Variants in SULF1 observed in about 807,000 individuals in gnomAD.
The protein encoded by SULF1 is sulfatase 1, also known as extracellular sulfatase Sulf-1.
A neutral mutation model predicts 110.5 loss-of-function variants in SULF1; 46 were observed. That is an observed-to-expected ratio of 0.42 (90% CI 0.33 to 0.53). The LOEUF (loss-of-function observed/expected upper bound fraction) is 0.53. Ranked by LOEUF, SULF1 falls within the 20% of genes least tolerant of loss-of-function variation. SULF1 has a pLI of 0.12. For synonymous variants in SULF1, 371 were observed against 387.1 expected, an observed-to-expected ratio of 0.96 and a Z score of 0.49; for missense variants, 941 against 1,094.2, an observed-to-expected ratio of 0.86 and a Z score of 1.98.
intron 22 of SULF1, among the ~76,000 whole-genome samples, chr8:69,649,972 CTTTTTTTTTTTTTTTTTTTTT>C (rs536073966): frequency 2.0e-4 from 6 of 30,566 alleles, no homozygotes; most frequent in Admixed American, 4.9e-4. Flanking sequence ...CTCCTGCTTG[CTTTTTTTTTTTTTTTTTTTTT>C]TTTTTTTTTT....
At chr8:69,629,121 C>A (rs1213337900) in intron 18 of SULF1, among the ~76,000 whole-genome samples, 9 of 152,166 alleles carry the variant, frequency 5.9e-5, no homozygotes, top group African/African-American at 2.2e-4. Context: ...ACAACCTCCA[C>A]CTCCTGGGTT....
In SULF1 at chr8:69,561,768, C is replaced by T. The variant is rs147639824; in HGVS notation, c.-133-1771C>T. ...TTTTTGCTACTTAAGGAACCAACCTCTAAGAAATTTCTGTATTTAACTATT... is the reference window on the plus strand; with the variant it reads ...TTTTTGCTACTTAAGGAACCAACCTTTAAGAAATTTCTGTATTTAACTATT... On this transcript the variant is annotated intron_variant, in intron 3 of 22. Transcript: ENST00000402687. 5.8e-4 allele frequency among the ~76,000 whole-genome samples: 88 copies of T among 152,310 alleles called. No homozygotes were observed. In the East Asian group the frequency reaches 0.015, roughly 27 times the overall value.
intron 19 of SULF1, among the ~76,000 whole-genome samples, chr8:69,630,889 A>G (rs1223018657): frequency 1.3e-5 from 2 of 152,114 alleles, no homozygotes; most frequent in African/African-American, 2.4e-5. Context: ...ACGTATGTAT[A>G]CATGTGCCAT....
At chr8:69,591,365 T>TAACACTGTGA (rs1180223924) in intron 8 of SULF1, among the ~76,000 whole-genome samples, 2 of 151,796 alleles carry the variant, frequency 1.3e-5, no homozygotes, top group Non-Finnish European at 2.9e-5. Context: ...CCATCTTGGC[T>TAACACTGTGA]AACACTGTGA....
intron 3 of SULF1, among the ~76,000 whole-genome samples, chr8:69,537,392 T>TG (rs1485127037): frequency 6.6e-6 from 1 of 152,226 alleles, no homozygotes; most frequent in Non-Finnish European, 1.5e-5. Context: ...ACCTCAACCT[T>TG]GTCTTCTATG....
At chr8:69,614,017 A>T (rs1174479388) in intron 13 of SULF1, among the ~76,000 whole-genome samples, 1 of 152,184 alleles carries the variant, frequency 6.6e-6, no homozygotes, top group Non-Finnish European at 1.5e-5. Context: ...ACTCATCTCC[A>T]TTAAAAATGG....
At chr8:69,529,872 C>T (rs1812963851) in intron 3 of SULF1, among the ~76,000 whole-genome samples, 1 of 152,198 alleles carries the variant, frequency 6.6e-6, no homozygotes, top group South Asian at 2.1e-4. Context: ...TTCTGTCATT[C>T]TGTAATCCCA....
At chr8:69,653,337 T>A (rs978170904) in intron 22 of SULF1, among the ~76,000 whole-genome samples, 2 of 152,260 alleles carry the variant, frequency 1.3e-5, no homozygotes, top group Non-Finnish European at 2.9e-5. Context: ...CCCAGAGTGC[T>A]GGGATTACAG....
chr8:69,614,011 A>C (rs186542367), intron 13 of SULF1, among the ~76,000 whole-genome samples: 3 of 152,312 alleles, frequency 2.0e-5, no homozygotes, highest in African/African-American at 7.2e-5. Flanking sequence ...CCCAATACTC[A>C]TCTCCATTAA....
intron 18 of SULF1, among the ~76,000 whole-genome samples, chr8:69,629,017 ATTTGCATTCAGTGTTCC>A (rs1404086128): frequency 2.0e-5 from 3 of 152,100 alleles, no homozygotes; most frequent in African/African-American, 7.2e-5. Flanking sequence ...CACTGAATGC[ATTTGCATTCAGTGTTCC>A]TTTTTTGTTG....
chr8:69,585,408 A>T (rs577906755), intron 6 of SULF1, among the ~76,000 whole-genome samples: 7 of 152,136 alleles, frequency 4.6e-5, no homozygotes, highest in Non-Finnish European at 5.9e-5. Context: ...CCATTCTGCT[A>T]GGTTGTAATG....
In SULF1 at chr8:69,624,172, C is replaced by T; in HGVS notation, c.1825C>T (p.Pro609Ser). ...LADSSNAVGP[P>S]TTVRVTHKCF... ...AGATAGCAGCAACGCCGTGGGCCCA[C>T]CTACCACTGTCCGAGTGACACACAA... The change falls in exon 15 of 23, where the codon CCT (proline) becomes TCT (serine). Residue 609 changes from proline (P) to serine (S), a missense_variant. Physicochemically the swap from Pro to Ser is moderately conservative, Grantham distance 74. Around this residue, in one of 3 missense-constraint regions of SULF1, gnomAD observed 822 missense variants for 934.3 expected, o/e 0.88. Coordinates refer to ENST00000402687, the MANE Select transcript of SULF1 (RefSeq NM_001128205.2). The T allele has an allele frequency of 6.3e-7, 1 of 1,599,266 alleles. No individual in the cohort carries two copies. The highest frequency in any genetic ancestry group is 1.1e-5 in the South Asian group (1 of 89,202).
intron 14 of SULF1, among the ~76,000 whole-genome samples, chr8:69,621,951 A>G (rs1308650193): frequency 6.6e-6 from 1 of 152,240 alleles, no homozygotes; most frequent in African/African-American, 2.4e-5. Context: ...ATTTCTTTCT[A>G]TACTGGTTTG....
At chr8:69,584,446 CAT>C (rs1806302290) in intron 6 of SULF1, 1 of 152,186 alleles carries the variant, frequency 6.6e-6, no homozygotes, top group Non-Finnish European at 1.5e-5. Flanking sequence ...CTGGTAATTC[CAT>C]TTTAGGCAAT....
At chr8:69,627,658 C>A in intron 16 of SULF1, 114 bp from the exon 17 acceptor site, 1 of 735,770 alleles carries the variant, frequency 1.4e-6, no homozygotes. Flanking sequence ...TGTTAAGTAT[C>A]ATCTCAGATG....
rs896575775 is a variant in SULF1, at chr8:69,645,717, G to A, written c.2585+4876G>A. On this transcript the variant is annotated intron_variant, in intron 22 of 22. Transcript: ENST00000402687. Reference sequence around the variant, plus strand: ...TCAGTCCAACCAGAAGGCAAGACTCGTGTGGGGACTTATCATCAGTTCCGT... The same window carrying A: ...TCAGTCCAACCAGAAGGCAAGACTCATGTGGGGACTTATCATCAGTTCCGT... 1.1e-4 allele frequency among the ~76,000 whole-genome samples: 16 copies of A among 149,384 alleles called. No individual in the cohort carries two copies. The East Asian group carries it at 1.9e-3, about 18-fold the overall frequency.
chr8:69,577,434 A>C (rs4737995), intron 6 of SULF1, among the ~76,000 whole-genome samples: 42,762 of 151,984 alleles, frequency 0.28, 6,404 homozygotes, highest in African/African-American at 0.38. Context: ...TTCCCTAATA[A>C]CCGGTTCCTG....
At position 69,564,000 on chromosome 8, in the gene SULF1, G is replaced by A; in HGVS notation, c.25G>A (p.Val9Ile). 2 of 1,614,182 alleles carry A rather than the reference G, an allele frequency of 1.2e-6. No homozygotes were observed. Among genetic ancestry groups the A allele is most frequent in the Non-Finnish European group, 1.7e-6 (2 of 1,180,036 alleles). ...AATGAAGTATTCTTGCTGTGCTCTG[G>A]TTTTGGCTGTCCTGGGCACAGAATT... MKYSCCAL[V>I]LAVLGTELLG... is the part of the protein sequence containing the mutation. The change falls in exon 5 of 23, where the codon GTT becomes ATT. Residue 9 changes from valine to isoleucine, a missense_variant. By Grantham distance (29) the Val-to-Ile change is conservative. Transcript: ENST00000402687.
rs1001249279 is a variant in SULF1, at chr8:69,659,769, G to C, written c.*1234G>C. The C allele has an allele frequency of 7.9e-5, 12 of 152,830 alleles. No homozygotes were observed. Among genetic ancestry groups the C allele is most frequent in the Non-Finnish European group, 1.5e-4 (10 of 68,304 alleles). The allele number at this position is 152,830 out of a possible 1,614,324, so 9.5% of individuals were successfully genotyped here. ...TTAACCACTGGAATTTTTCAATGCC[G>C]TCATTTTCAGTTAGATGATTTTGCA... On this transcript the variant is annotated 3_prime_UTR_variant, in exon 23 of 23. Coordinates refer to ENST00000402687, the MANE Select transcript of SULF1 (RefSeq NM_001128205.2).
Sources: allele counts gnomAD v4.1 joint callset (sites outside exome capture counted in the v4.1 genomes callset), GRCh38; gene constraint gnomAD v4.1.1; regional missense constraint gnomAD v4.1.1; transcripts MANE v1.5; gene names NCBI Gene and HGNC (gene_info 2026-07-23, HGNC 2026-07-21).